Variants in RPSA2 observed in about 807,000 individuals in gnomAD.
RPSA2 encodes the protein small ribosomal subunit protein uS2B.
At chr19:23,816,620 C>A in the RPSA2 span, among the ~76,000 whole-genome samples, 1 of 151,928 alleles carries the variant, frequency 6.6e-6, no homozygotes, top group Non-Finnish European at 1.5e-5. Flanking sequence ...TAATTATTAT[C>A]TTTATAATCA....
At chr19:23,780,666 C>CAAAACAAAACAAAACAAAACAA in the RPSA2 span, among the ~76,000 whole-genome samples, 9 of 54,592 alleles carry the variant, frequency 1.6e-4, no homozygotes, top group African/African-American at 5.0e-4. Context: ...AAACAAAAAA[C>CAAAACAAAACAAAACAAAACAA]AAAACTGACT....
At chr19:23,824,773 T>G in the RPSA2 span, among the ~76,000 whole-genome samples, 1 of 151,518 alleles carries the variant, frequency 6.6e-6, no homozygotes, top group Non-Finnish European at 1.5e-5. Context: ...AATTCTTTAT[T>G]TTCATCTTCT....
the RPSA2 span, among the ~76,000 whole-genome samples, chr19:23,784,838 A>G: frequency 6.6e-6 from 1 of 152,198 alleles, no homozygotes; most frequent in Non-Finnish European, 1.5e-5. Context: ...TTCAGCACAC[A>G]TATGAGGCTG....
chr19:23,774,160 G>A, the RPSA2 span, among the ~76,000 whole-genome samples: 1 of 152,108 alleles, frequency 6.6e-6, no homozygotes, highest in Non-Finnish European at 1.5e-5. Context: ...CTTTGCCTTG[G>A]CACTGCCCAC....
At chr19:23,794,385 C>T in the RPSA2 span, among the ~76,000 whole-genome samples, 1 of 152,108 alleles carries the variant, frequency 6.6e-6, no homozygotes, top group South Asian at 2.1e-4. Context: ...TTTTAATAGC[C>T]CTTCTCACTG....
the RPSA2 span, among the ~76,000 whole-genome samples, chr19:23,829,401 A>C: frequency 6.6e-6 from 1 of 152,170 alleles, no homozygotes; most frequent in African/African-American, 2.4e-5. Flanking sequence ...TCCTGGGTTC[A>C]AGCAATTTAC....
the RPSA2 span, among the ~76,000 whole-genome samples, chr19:23,868,601 A>C: frequency 1.3e-5 from 2 of 152,210 alleles, no homozygotes; most frequent in African/African-American, 2.4e-5. Context: ...TCCTTGTATG[A>C]ATGGTAAGAC....
At chr19:23,766,346 T>A in the RPSA2 span, among the ~76,000 whole-genome samples, 32 of 151,728 alleles carry the variant, frequency 2.1e-4, no homozygotes, top group South Asian at 4.2e-4. Context: ...AAAATTATTT[T>A]AAAAAAATTT....
the RPSA2 span, among the ~76,000 whole-genome samples, chr19:23,765,553 C>T: frequency 6.6e-6 from 1 of 152,026 alleles, no homozygotes; most frequent in African/African-American, 2.4e-5. Flanking sequence ...AACTAAATAC[C>T]ACATGTTCTC....
the RPSA2 span, among the ~76,000 whole-genome samples, chr19:23,789,727 G>A: frequency 7.5e-6 from 1 of 133,156 alleles, no homozygotes; most frequent in African/African-American, 2.8e-5. Context: ...TTTTTTTTTT[G>A]GAGACAGAGT....
the RPSA2 span, among the ~76,000 whole-genome samples, chr19:23,868,074 C>T: frequency 6.6e-6 from 1 of 152,108 alleles, no homozygotes; most frequent in East Asian, 1.9e-4. Flanking sequence ...TAAAAATAGT[C>T]CAGAAGATGG....
At chr19:23,843,342 C>T in the RPSA2 span, 1 of 156,836 alleles carries the variant, frequency 6.4e-6, no homozygotes, top group African/African-American at 2.4e-5. Context: ...AATTCCAGAC[C>T]TTAAAATGTG....
the RPSA2 span, among the ~76,000 whole-genome samples, chr19:23,859,864 G>A: frequency 2.9e-4 from 44 of 152,220 alleles, no homozygotes; most frequent in African/African-American, 9.4e-4. Flanking sequence ...ATACTAATTA[G>A]TAAAACCCTG....
the RPSA2 span, among the ~76,000 whole-genome samples, chr19:23,844,701 T>TA: frequency 6.4e-4 from 10 of 15,562 alleles, no homozygotes; most frequent in Admixed American, 7.4e-3. Flanking sequence ...GTCCATTTTT[T>TA]TATAATATAA....
At chr19:23,829,264 T>A in the RPSA2 span, among the ~76,000 whole-genome samples, 1 of 152,190 alleles carries the variant, frequency 6.6e-6, no homozygotes, top group African/African-American at 2.4e-5. Flanking sequence ...CATCTTTGTG[T>A]CTTTTTGATG....
chr19:23,776,920 A>G, the RPSA2 span, among the ~76,000 whole-genome samples: 1 of 152,118 alleles, frequency 6.6e-6, no homozygotes, highest in Non-Finnish European at 1.5e-5. Context: ...GTGTTTGCCT[A>G]TAAGAGACAT....
chr19:23,801,599 T>A, the RPSA2 span, among the ~76,000 whole-genome samples: 1 of 152,332 alleles, frequency 6.6e-6, no homozygotes, highest in East Asian at 1.9e-4. Flanking sequence ...TATGTCTTTC[T>A]CCCTACTTTC....
chr19:23,822,675 T>A, the RPSA2 span, among the ~76,000 whole-genome samples: 5 of 152,174 alleles, frequency 3.3e-5, no homozygotes, highest in Non-Finnish European at 7.4e-5. Context: ...TTGATCATCT[T>A]GACTTCCTTC....
At chr19:23,784,868 CAGA>C in the RPSA2 span, among the ~76,000 whole-genome samples, 1 of 152,158 alleles carries the variant, frequency 6.6e-6, no homozygotes, top group Admixed American at 6.5e-5. Flanking sequence ...TGACGGTCTG[CAGA>C]AGAAATTTTG....
Sources: gnomAD v4.1 joint callset for allele counts (sites outside exome capture counted in the v4.1 genomes callset) on GRCh38, gnomAD v4.1.1 for gene constraint, MANE v1.5 for transcripts, NCBI Gene and HGNC (gene_info 2026-07-23, HGNC 2026-07-21) for gene names.